BTBD9: variants seen among roughly 807,000 people sequenced by gnomAD.
BTBD9 encodes the protein BTB domain containing 9, also known as BTB/POZ domain-containing protein 9.
BTBD9 carries 49 observed loss-of-function variants against 64.3 expected under a neutral mutation model. The ratio of observed to expected loss-of-function variants is 0.76; its 90% CI spans 0.61 to 0.97. The LOEUF is 0.97. Among genes scored for constraint, BTBD9 ranks in the 50% least tolerant of loss-of-function variants. The pLI is 0.00. For missense variants in BTBD9, 598 were observed against 762.1 expected, an observed-to-expected ratio of 0.78 and a Z score of 2.53; for synonymous variants, 260 against 274.7, an observed-to-expected ratio of 0.95 and a Z score of 0.53.
intron 6 of BTBD9, among the ~76,000 whole-genome samples, chr6:38,412,875 C>A (rs1340707661): frequency 2.0e-5 from 3 of 150,742 alleles, no homozygotes; most frequent in African/African-American, 4.9e-5. Context: ...ACAACAACAA[C>A]AACAACAACA....
At chr6:38,629,236 C>T (rs78628202) in intron 1 of BTBD9, among the ~76,000 whole-genome samples, 2,903 of 152,142 alleles carry the variant, frequency 0.019, 48 homozygotes, top group Middle Eastern at 0.058. Flanking sequence ...ATCAATGAAG[C>T]CTAAAACTAG....
intron 6 of BTBD9, among the ~76,000 whole-genome samples, chr6:38,401,542 G>A (rs1766928154): frequency 6.6e-6 from 1 of 152,200 alleles, no homozygotes; most frequent in Admixed American, 6.5e-5. Context: ...TTTCCCAAAG[G>A]AGGAACAGAA....
chr6:38,358,514 G>A (rs1764819774), intron 6 of BTBD9, among the ~76,000 whole-genome samples: 1 of 152,100 alleles, frequency 6.6e-6, no homozygotes, highest in Non-Finnish European at 1.5e-5. Context: ...CAAAACGGGA[G>A]GGGAAGGAAA....
intron 6 of BTBD9, among the ~76,000 whole-genome samples, chr6:38,345,666 C>T (rs757743293): frequency 3.3e-5 from 5 of 152,330 alleles, no homozygotes; most frequent in Non-Finnish European, 7.3e-5. Flanking sequence ...CTTACGCCAG[C>T]CCCCCACTTG....
At chr6:38,548,573 A>G (rs1298376072) in intron 6 of BTBD9, among the ~76,000 whole-genome samples, 1 of 151,512 alleles carries the variant, frequency 6.6e-6, no homozygotes, top group Non-Finnish European at 1.5e-5. Context: ...GAAAGAATAG[A>G]GCAATTTCAA....
intron 6 of BTBD9, among the ~76,000 whole-genome samples, chr6:38,357,792 T>G (rs1764789703): frequency 6.6e-6 from 1 of 152,210 alleles, no homozygotes; most frequent in Non-Finnish European, 1.5e-5. Context: ...TATTCCTTCT[T>G]GTCTTAAAAT....
chr6:38,558,837 T>A (rs1044862549), intron 6 of BTBD9, among the ~76,000 whole-genome samples: 1 of 152,196 alleles, frequency 6.6e-6, no homozygotes, highest in East Asian at 1.9e-4. Flanking sequence ...GATATTGGCC[T>A]GTAGTTTTCT....
chr6:38,510,516 A>T (rs1347715243), intron 6 of BTBD9, among the ~76,000 whole-genome samples: 2 of 122,766 alleles, frequency 1.6e-5, no homozygotes, highest in Non-Finnish European at 3.8e-5. Context: ...GTTTATTTTT[A>T]AAATTTTCTT....
intron 6 of BTBD9, among the ~76,000 whole-genome samples, chr6:38,574,352 C>T (rs2127469589): frequency 6.6e-6 from 1 of 152,188 alleles, no homozygotes; most frequent in East Asian, 1.9e-4. Flanking sequence ...ATGAAAACTC[C>T]TAGACATATA....
intron 1 of BTBD9, among the ~76,000 whole-genome samples, chr6:38,630,075 G>A (rs1344939080): frequency 6.6e-6 from 1 of 151,852 alleles, no homozygotes; most frequent in African/African-American, 2.4e-5. Context: ...AGGCATGGTG[G>A]TGCATGCCTG....
At chr6:38,226,010 T>C (rs1763382174) in intron 9 of BTBD9, among the ~76,000 whole-genome samples, 1 of 152,252 alleles carries the variant, frequency 6.6e-6, no homozygotes, top group African/African-American at 2.4e-5. Flanking sequence ...GCTTCTCTAC[T>C]TTCCAGGGTT....
intron 6 of BTBD9, among the ~76,000 whole-genome samples, chr6:38,478,269 T>A (rs568588045): frequency 6.6e-6 from 1 of 152,230 alleles, no homozygotes; most frequent in African/African-American, 2.4e-5. Flanking sequence ...TGGGCTCTCA[T>A]GAGCTTTGCC....
chr6:38,356,253 T>C (rs1226533989), intron 6 of BTBD9, among the ~76,000 whole-genome samples: 3 of 152,200 alleles, frequency 2.0e-5, no homozygotes, highest in African/African-American at 7.2e-5. Context: ...TTGAAACCCA[T>C]GTTTTCAATT....
intron 6 of BTBD9, among the ~76,000 whole-genome samples, chr6:38,573,566 C>T (rs990095536): frequency 5.3e-5 from 8 of 152,144 alleles, no homozygotes; most frequent in African/African-American, 1.9e-4. Flanking sequence ...CTCTTGTTCC[C>T]TCTCTCAACG....
In BTBD9 at chr6:38,244,901, T is replaced by C. The variant is rs562910042; in HGVS notation, c.1562+11508A>G. Among the ~76,000 whole-genome samples, 3 of 152,348 alleles carry C rather than the reference T, an allele frequency of 2.0e-5. No homozygotes were observed. The East Asian group carries it at 5.8e-4, about 29-fold the overall frequency. ...GTAGTTTACAAGGACTACATCACCA[T>C]GGGCAAATCTTATTCTCTCCCATAA... On this transcript the variant is annotated intron_variant, in intron 9 of 10. Coordinates refer to ENST00000481247, the MANE Select transcript of BTBD9 (RefSeq NM_001099272.2).
At chr6:38,308,115 T>C (rs1227249485) in intron 7 of BTBD9, among the ~76,000 whole-genome samples, 1 of 152,220 alleles carries the variant, frequency 6.6e-6, no homozygotes, top group African/African-American at 2.4e-5. Flanking sequence ...CTAGAGGTTT[T>C]AGCTGAGAAA....
chr6:38,512,763 T>A (rs1772830429), intron 6 of BTBD9, among the ~76,000 whole-genome samples: 1 of 152,170 alleles, frequency 6.6e-6, no homozygotes, highest in East Asian at 1.9e-4. Flanking sequence ...TTTTAATAAA[T>A]CCATATTATT....
At chr6:38,567,839 T>G (rs921292968) in intron 6 of BTBD9, among the ~76,000 whole-genome samples, 1 of 152,210 alleles carries the variant, frequency 6.6e-6, no homozygotes, top group South Asian at 2.1e-4. Flanking sequence ...ACATATTTCC[T>G]GTGGAAAAAA....
At chr6:38,563,309 T>A (rs1775332821) in intron 6 of BTBD9, among the ~76,000 whole-genome samples, 1 of 152,178 alleles carries the variant, frequency 6.6e-6, no homozygotes, top group Admixed American at 6.5e-5. Context: ...CAAGCCTGTA[T>A]CTAACAATGC....
Sources: allele counts gnomAD v4.1 joint callset (sites outside exome capture counted in the v4.1 genomes callset), GRCh38; gene constraint gnomAD v4.1.1; transcripts MANE v1.5; gene names NCBI Gene and HGNC (gene_info 2026-07-23, HGNC 2026-07-21).